Variants in XKR6 observed in about 807,000 individuals in gnomAD.
XKR6 encodes XK related 6, also known as XK-related protein 6.
Under a neutral mutation model 56.7 loss-of-function variants are expected in XKR6, and 22 were observed. The ratio of observed to expected loss-of-function variants is 0.39; its 90% CI spans 0.28 to 0.55. The LOEUF (loss-of-function observed/expected upper bound fraction) is 0.55, where lower values mean the gene tolerates loss of function less well. XKR6 is among the 20% of genes least tolerant of loss of function. The pLI is 0.66. For missense variants in XKR6, 852 were observed against 889.0 expected, an observed-to-expected ratio of 0.96 and a Z score of 0.53; for synonymous variants, 524 against 387.8, an observed-to-expected ratio of 1.35 and a Z score of -4.13.
intron 1 of XKR6, among the ~76,000 whole-genome samples, chr8:11,041,047 G>A (rs1184871096): frequency 6.6e-6 from 1 of 152,044 alleles, no homozygotes; most frequent in Non-Finnish European, 1.5e-5. Flanking sequence ...ATGGACAATG[G>A]CCCATTCCAG....
At chr8:11,104,268 C>A (rs1414653175) in intron 1 of XKR6, among the ~76,000 whole-genome samples, 1 of 152,246 alleles carries the variant, frequency 6.6e-6, no homozygotes, top group East Asian at 1.9e-4. Context: ...CTGGAGATCA[C>A]TGACTTCCTC....
At chr8:11,082,475 G>A (rs1047101805) in intron 1 of XKR6, among the ~76,000 whole-genome samples, 2 of 152,238 alleles carry the variant, frequency 1.3e-5, no homozygotes, top group African/African-American at 4.8e-5. Flanking sequence ...GCCTGCATAA[G>A]CCACAGAGTG....
At chr8:11,069,807 T>C (rs1293126828) in intron 1 of XKR6, among the ~76,000 whole-genome samples, 1 of 152,188 alleles carries the variant, frequency 6.6e-6, no homozygotes, top group Non-Finnish European at 1.5e-5. Context: ...GGATGTAGCA[T>C]GCGGCGTGGC....
chr8:11,093,490 G>T (rs1464793380), intron 1 of XKR6, among the ~76,000 whole-genome samples: 1 of 152,186 alleles, frequency 6.6e-6, no homozygotes, highest in Non-Finnish European at 1.5e-5. Flanking sequence ...CTCCACTGTG[G>T]GTGGCGTCTT....
intron 2 of XKR6, among the ~76,000 whole-genome samples, chr8:10,910,444 A>C (rs1161043490): frequency 1.3e-5 from 2 of 152,158 alleles, no homozygotes; most frequent in African/African-American, 2.4e-5. Context: ...AGCTCTGATA[A>C]AGAGTGGATG....
intron 1 of XKR6, among the ~76,000 whole-genome samples, chr8:10,982,899 T>G (rs1005456402): frequency 2.6e-5 from 4 of 152,224 alleles, no homozygotes; most frequent in Non-Finnish European, 4.4e-5. Context: ...CAGGGACAGC[T>G]GGCTCCACTG....
intron 1 of XKR6, among the ~76,000 whole-genome samples, chr8:10,965,910 C>G (rs993788618): frequency 6.6e-6 from 1 of 152,150 alleles, no homozygotes; most frequent in Non-Finnish European, 1.5e-5. Context: ...CCCCTGGGAA[C>G]CAAAAAACGG....
At chr8:11,130,431 T>A (rs532218671) in intron 1 of XKR6, among the ~76,000 whole-genome samples, 1 of 152,064 alleles carries the variant, frequency 6.6e-6, no homozygotes, top group Non-Finnish European at 1.5e-5. Context: ...CTTGGAACCA[T>A]CAGGATCAGG....
chr8:10,987,680 C>T (rs550790076), intron 1 of XKR6, among the ~76,000 whole-genome samples: 2 of 152,332 alleles, frequency 1.3e-5, no homozygotes, highest in East Asian at 3.9e-4. Flanking sequence ...GCTCAAAGCC[C>T]TACCATGACT....
At chr8:11,122,824 G>C (rs879730179) in intron 1 of XKR6, among the ~76,000 whole-genome samples, 1 of 152,120 alleles carries the variant, frequency 6.6e-6, no homozygotes, top group African/African-American at 2.4e-5. Flanking sequence ...ACTAATATTT[G>C]GTATGGTTGA....
rs556734275 is a variant in XKR6, at chr8:11,085,580, T to C, written c.764+114996A>G. On this transcript the variant is annotated intron_variant, in intron 1 of 2. Coordinates refer to ENST00000416569, the MANE Select transcript of XKR6 (RefSeq NM_173683.4). ...CAGGAGAATGGGGAGTGGGCACTGC[T>C]GGACGAGGAGGGGGCCAGAGCGGGA... 2.6e-5 allele frequency among the ~76,000 whole-genome samples: 4 copies of C among 152,274 alleles called. No homozygotes were observed. The South Asian group carries it at 8.3e-4, about 32-fold the overall frequency.
At chr8:11,096,864 A>G (rs1287250615) in intron 1 of XKR6, among the ~76,000 whole-genome samples, 1 of 152,256 alleles carries the variant, frequency 6.6e-6, no homozygotes, top group Non-Finnish European at 1.5e-5. Flanking sequence ...GACCTCACTG[A>G]ATGTCACCCA....
intron 1 of XKR6, among the ~76,000 whole-genome samples, chr8:11,065,758 G>C (rs1189509475): frequency 6.6e-6 from 1 of 152,112 alleles, no homozygotes; most frequent in African/African-American, 2.4e-5. Context: ...ACTCAGCCTG[G>C]GAACTGGAAT....
intron 1 of XKR6, among the ~76,000 whole-genome samples, chr8:11,095,483 C>G (rs1798239400): frequency 6.6e-6 from 1 of 152,168 alleles, no homozygotes; most frequent in Admixed American, 6.5e-5. Context: ...GAGACTGGTG[C>G]TTTTAGGCAC....
At chr8:11,155,512 G>C (rs547566840) in intron 1 of XKR6, among the ~76,000 whole-genome samples, 2 of 152,314 alleles carry the variant, frequency 1.3e-5, no homozygotes, top group South Asian at 2.1e-4. Flanking sequence ...TGGAATTCAA[G>C]ATCCTCACAT....
intron 1 of XKR6, among the ~76,000 whole-genome samples, chr8:10,988,047 T>G (rs1002579345): frequency 2.0e-5 from 3 of 152,192 alleles, no homozygotes; most frequent in Admixed American, 6.5e-5. Context: ...ACAAAAAACA[T>G]TATTTAAATC....
At chr8:11,021,541 T>C (rs1798749396) in intron 1 of XKR6, among the ~76,000 whole-genome samples, 1 of 152,236 alleles carries the variant, frequency 6.6e-6, no homozygotes, top group East Asian at 1.9e-4. Context: ...TTCTAGCCTT[T>C]TGTCCCTTTC....
At chr8:11,155,717 C>G (rs1801487256) in intron 1 of XKR6, among the ~76,000 whole-genome samples, 3 of 152,164 alleles carry the variant, frequency 2.0e-5, no homozygotes, top group Admixed American at 2.0e-4. Flanking sequence ...GTCTCAATGG[C>G]CTCCCTACCT....
intron 1 of XKR6, among the ~76,000 whole-genome samples, chr8:11,176,150 A>G (rs1021218918): frequency 6.6e-6 from 1 of 152,182 alleles, no homozygotes; most frequent in East Asian, 1.9e-4. Flanking sequence ...TCTTTAAAAC[A>G]CCTTTACAAA....
Sources: allele counts gnomAD v4.1 joint callset (sites outside exome capture counted in the v4.1 genomes callset), GRCh38; gene constraint gnomAD v4.1.1; transcripts MANE v1.5; gene names NCBI Gene and HGNC (gene_info 2026-07-23, HGNC 2026-07-21).